Variants in CRYL1 observed in about 807,000 individuals in gnomAD.
CRYL1 encodes lambda-crystallin homolog.
In CRYL1, 29 loss-of-function variants were observed where a neutral mutation model predicts 36.6. That is an observed-to-expected ratio of 0.79 (90% confidence interval 0.59 to 1.08). The LOEUF is 1.08. CRYL1 is among the 50% of genes least tolerant of loss of function. CRYL1 has a pLI of 0.00. For synonymous variants in CRYL1, 152 were observed against 151.5 expected, an observed-to-expected ratio of 1.00 and a Z score of -0.02; for missense variants, 411 against 407.9, an observed-to-expected ratio of 1.01 and a Z score of -0.06.
At chr13:20,426,980 C>T in intron 5 of CRYL1, 1 of 985,656 alleles carries the variant, frequency 1.0e-6, no homozygotes, top group African/African-American at 1.7e-5. Context: ...CTCATCACCA[C>T]CAACTCACAC....
At chr13:20,467,067 C>T (rs1393692386) in intron 3 of CRYL1, among the ~76,000 whole-genome samples, 1 of 151,658 alleles carries the variant, frequency 6.6e-6, no homozygotes, top group Non-Finnish European at 1.5e-5. Flanking sequence ...CCTGCCTCAG[C>T]CTCCTGAGTA....
chr13:20,408,641 G>A (rs1270888959), intron 6 of CRYL1, among the ~76,000 whole-genome samples: 3 of 152,188 alleles, frequency 2.0e-5, no homozygotes, highest in East Asian at 3.9e-4. Context: ...TTTGTATCCT[G>A]AGACTTTGCT....
intron 3 of CRYL1, among the ~76,000 whole-genome samples, chr13:20,469,070 C>T (rs2033002069): frequency 6.6e-6 from 1 of 152,202 alleles, no homozygotes; most frequent in Non-Finnish European, 1.5e-5. Context: ...TCAGCAGTTT[C>T]TCAGGAAGTG....
chr13:20,452,882 T>A (rs1345091187), intron 3 of CRYL1, among the ~76,000 whole-genome samples: 1 of 152,210 alleles, frequency 6.6e-6, no homozygotes, highest in South Asian at 2.1e-4. Context: ...AAAAGTGTTA[T>A]ATTGGATTTA....
intron 5 of CRYL1, chr13:20,431,378 G>A (rs2032055715): frequency 2.0e-6 from 2 of 985,296 alleles, no homozygotes; most frequent in Non-Finnish European, 1.2e-6. Flanking sequence ...ACAGGCGTGG[G>A]CAGAGTCTTG....
intron 2 of CRYL1, among the ~76,000 whole-genome samples, chr13:20,506,812 T>TGGCCCATCTCC (rs1276739602): frequency 6.6e-6 from 1 of 152,210 alleles, no homozygotes; most frequent in Non-Finnish European, 1.5e-5. Context: ...AGGCCAAATC[T>TGGCCCATCTCC]GGCCCATCTC....
intron 5 of CRYL1, chr13:20,430,564 C>T: frequency 1.0e-6 from 1 of 985,418 alleles, no homozygotes; most frequent in Non-Finnish European, 1.2e-6. Context: ...CGCCTGCCCT[C>T]CTCCAGCAGC....
chr13:20,429,114 C>T (rs1033034570), intron 5 of CRYL1, among the ~76,000 whole-genome samples: 9 of 152,202 alleles, frequency 5.9e-5, no homozygotes, highest in African/African-American at 9.7e-5. Flanking sequence ...CCAGGCACTC[C>T]GGCCACACAT....
intron 3 of CRYL1, among the ~76,000 whole-genome samples, chr13:20,467,659 A>G (rs1432955198): frequency 2.0e-5 from 3 of 152,166 alleles, no homozygotes; most frequent in African/African-American, 7.2e-5. Context: ...CATCGCTACT[A>G]AAAATACAAA....
chr13:20,491,790 CA>C (rs2033517983), intron 2 of CRYL1, among the ~76,000 whole-genome samples: 1 of 151,858 alleles, frequency 6.6e-6, no homozygotes, highest in Admixed American at 6.6e-5. Context: ...GACCCTGTCT[CA>C]AAAAACAAGC....
At chr13:20,419,350 A>G (rs895356312) in intron 5 of CRYL1, among the ~76,000 whole-genome samples, 1 of 152,110 alleles carries the variant, frequency 6.6e-6, no homozygotes, top group Admixed American at 6.5e-5. Flanking sequence ...CTGGAGTGCA[A>G]TGGCAGGATC....
chr13:20,483,841 C>T (rs1210653100), intron 3 of CRYL1, among the ~76,000 whole-genome samples: 1 of 150,920 alleles, frequency 6.6e-6, no homozygotes, highest in African/African-American at 2.4e-5. Flanking sequence ...ACATCCAGCC[C>T]TCTTCTCGCT....
At chr13:20,404,304 T>C (rs2137357074) in intron 7 of CRYL1, 62 bp from the exon 8 acceptor site, 2 of 1,141,592 alleles carry the variant, frequency 1.8e-6, no homozygotes, top group Non-Finnish European at 2.6e-6. Context: ...AAGAGTGTAA[T>C]TATTGCTCTT....
chr13:20,505,805 A>T (rs2033787833), intron 2 of CRYL1, among the ~76,000 whole-genome samples: 1 of 152,196 alleles, frequency 6.6e-6, no homozygotes, highest in Non-Finnish European at 1.5e-5. Context: ...TGACAAAAGG[A>T]TTAAGTTGGT....
intron 3 of CRYL1, among the ~76,000 whole-genome samples, chr13:20,483,392 C>G (rs2033318175): frequency 6.6e-6 from 1 of 152,004 alleles, no homozygotes; most frequent in South Asian, 2.1e-4. Context: ...GGCAGTGGTG[C>G]GATCTCGGCT....
In CRYL1 at chr13:20,415,200, G is replaced by A. The variant is rs901477071; in HGVS notation, c.634-1813C>T. Among the ~76,000 whole-genome samples, 1 of 152,190 alleles carries A rather than the reference G, an allele frequency of 6.6e-6. No homozygotes were observed. The highest frequency in any genetic ancestry group is 2.4e-5 in the African/African-American group (1 of 41,448). ...GCCCAGAAGGCCGTCTCCAAGCTGG[G>A]GGCTTGCTCCGCCCGGAGGGCTCTG... On this transcript the variant is annotated intron_variant, in intron 5 of 7. Coordinates refer to ENST00000298248, the MANE Select transcript of CRYL1 (RefSeq NM_015974.3). The surrounding 1 kb of genome is among the most constrained non-coding windows in gnomAD (Gnocchi z 4.1).
At position 20,404,260 on chromosome 13, in the gene CRYL1, A is replaced by G. The variant is rs867017934; in HGVS notation, c.847-18T>C. On this transcript the variant is annotated intron_variant, in intron 7 of 7. Transcript: ENST00000298248. The stretch of plus-strand genomic sequence containing the variant: ...CACATGTCCTGCAAGAAGGAGAAGG[A>G]AAAAAAAGGACAATAAAGAGGAAAT... 1.4e-5 allele frequency: 21 copies of G among 1,458,362 alleles called. No homozygotes were observed. Among genetic ancestry groups the G allele is most frequent in the Middle Eastern group, 1.7e-4 (1 of 5,730 alleles). The allele number at this position is 1,458,362 out of a possible 1,614,324, so 90.3% of individuals were successfully genotyped here.
At chr13:20,414,868 G>A (rs1044371201) in intron 5 of CRYL1, among the ~76,000 whole-genome samples, 6 of 152,208 alleles carry the variant, frequency 3.9e-5, no homozygotes, top group Non-Finnish European at 5.9e-5. Context: ...TGTCAGGAGG[G>A]CGGACGGAGG....
intron 2 of CRYL1, among the ~76,000 whole-genome samples, chr13:20,500,467 A>T (rs4770044): frequency 0.87 from 132,528 of 152,124 alleles, 60,357 homozygotes; most frequent in East Asian, 1. Context: ...AATGGCCTTG[A>T]GAGAGGTTCT....
Sources: allele counts gnomAD v4.1 joint callset (sites outside exome capture counted in the v4.1 genomes callset), GRCh38; gene constraint gnomAD v4.1.1; non-coding constraint Gnocchi (gnomAD v3.1); transcripts MANE v1.5; gene names NCBI Gene and HGNC (gene_info 2026-07-23, HGNC 2026-07-21).